The following FOXN3 variants were observed in gnomAD, a reference collection of about 807,000 sequenced individuals.
FOXN3 encodes forkhead box protein N3.
A neutral mutation model predicts 38.4 loss-of-function variants in FOXN3; 7 were observed. The observed-to-expected ratio is 0.18, with a 90% confidence interval of 0.10 to 0.34. FOXN3 has a LOEUF of 0.34. Ranked by LOEUF, FOXN3 falls within the 10% of genes least tolerant of loss-of-function variation. The pLI is 1.00. For synonymous variants in FOXN3, 230 were observed against 242.2 expected (o/e 0.95, Z 0.47); for missense variants, 456 against 613.4 (o/e 0.74, Z 2.71).
rs1891750360 is a variant in FOXN3 at position 89,416,873 on chromosome 14, G to A, written c.-17C>T. On this transcript the variant is annotated splice_region_variant and 5_prime_UTR_variant, in exon 1 of 6. An upstream open reading frame in the 5' UTR gains an earlier in-frame stop. Coordinates refer to ENST00000557258, the MANE Select transcript of FOXN3 (RefSeq NM_005197.4). ...GCAGGAGCGGGGTGCAAACTCACCT[G>A]GCCGGAGCGGGGCACGGGGGTGCGG... The A allele has an allele frequency of 6.6e-6, 1 of 151,978 alleles. No homozygotes were observed. The highest frequency in any genetic ancestry group is 2.4e-5 in the African/African-American group (1 of 41,420). The allele number at this position is 151,978 out of a possible 1,614,324, so 9.4% of individuals were successfully genotyped here. A position where few individuals can be genotyped will look rare whatever the true frequency, so the allele number is the denominator to read the frequency against.
chr14:89,451,789 T>C (rs906537104), intron 1 of FOXN3, among the ~76,000 whole-genome samples: 1 of 152,126 alleles, frequency 6.6e-6, no homozygotes, highest in Non-Finnish European at 1.5e-5. Context: ...TACTATATGG[T>C]TTCCATTTTA....
chr14:89,286,635 C>A lies in FOXN3; in HGVS notation c.681-5621G>T, dbSNP rs3783872. The stretch of plus-strand genomic sequence containing the variant: ...GGAGAATCACCCACCACAAAAAATC[C>A]TTGAAATTCCATTGTTTTGCCTTAT... On this transcript the variant is annotated intron_variant, in intron 3 of 5. Coordinates refer to ENST00000557258, the MANE Select transcript of FOXN3 (RefSeq NM_005197.4). Among the ~76,000 whole-genome samples the A allele has an allele frequency of 4.9e-4, 74 of 152,288 alleles. 1 individual carries two copies. In the East Asian group the frequency reaches 0.014, roughly 29 times the overall value.
chr14:89,576,975 A>G (rs1895641049), intron 1 of FOXN3: 1 of 152,232 alleles, frequency 6.6e-6, no homozygotes, highest in South Asian at 2.1e-4. Flanking sequence ...AATCAGAGAA[A>G]ATCGCTCTAA....
chr14:89,209,388 A>G (rs1888463719), intron 4 of FOXN3, among the ~76,000 whole-genome samples: 1 of 152,232 alleles, frequency 6.6e-6, no homozygotes, highest in African/African-American at 2.4e-5. Flanking sequence ...AACACTAGAA[A>G]AATTTGAGAG....
At chr14:89,363,627 T>C (rs1566968731) in intron 2 of FOXN3, among the ~76,000 whole-genome samples, 1 of 152,250 alleles carries the variant, frequency 6.6e-6, no homozygotes, top group Non-Finnish European at 1.5e-5. Context: ...GTATACAATA[T>C]ACCTAACACC....
intron 3 of FOXN3, among the ~76,000 whole-genome samples, chr14:89,320,429 A>G (rs1366088012): frequency 1.3e-5 from 2 of 152,268 alleles, no homozygotes; most frequent in Non-Finnish European, 2.9e-5. Context: ...ATTCCATGGT[A>G]TGAAAATCTC....
intron 3 of FOXN3, among the ~76,000 whole-genome samples, chr14:89,294,974 C>T (rs923216276): frequency 6.6e-6 from 1 of 152,156 alleles, no homozygotes; most frequent in Non-Finnish European, 1.5e-5. Context: ...GAGTCAGGAT[C>T]GGGACCCCTT....
At chr14:89,577,382 A>T (rs149159622) in intron 1 of FOXN3, 1 of 152,268 alleles carries the variant, frequency 6.6e-6, no homozygotes, top group African/African-American at 2.4e-5. Flanking sequence ...CCTTCCGATT[A>T]CCTAGATACC....
intron 4 of FOXN3, among the ~76,000 whole-genome samples, chr14:89,279,188 T>C (rs1394561437): frequency 6.6e-6 from 1 of 152,142 alleles, no homozygotes; most frequent in Non-Finnish European, 1.5e-5. Context: ...TTTTAATGGG[T>C]TGCATTTAAC....
chr14:89,324,524 C>T (rs74078092), intron 3 of FOXN3, among the ~76,000 whole-genome samples: 3,750 of 151,062 alleles, frequency 0.025, 147 homozygotes, highest in African/African-American at 0.087. Flanking sequence ...AACAAAGCGG[C>T]AGTAGGATAC....
chr14:89,299,631 G>A (rs1023595125), intron 3 of FOXN3, among the ~76,000 whole-genome samples: 2 of 152,170 alleles, frequency 1.3e-5, no homozygotes, highest in African/African-American at 2.4e-5. Context: ...ATAGAAGGTG[G>A]CCCGGGGATA....
intron 3 of FOXN3, among the ~76,000 whole-genome samples, chr14:89,312,702 A>G (rs937939168): frequency 1.3e-5 from 2 of 152,312 alleles, no homozygotes; most frequent in Admixed American, 6.5e-5. Context: ...GCTAGCTGGT[A>G]GACCCTGGGA....
chr14:89,585,766 A>G (rs1200860621), intron 1 of FOXN3, among the ~76,000 whole-genome samples: 1 of 151,834 alleles, frequency 6.6e-6, no homozygotes, highest in East Asian at 1.9e-4. Flanking sequence ...AGAAAAAAAA[A>G]AAAAAAGAAA....
At chr14:89,258,858 G>A (rs9671706) in intron 4 of FOXN3, among the ~76,000 whole-genome samples, 4,543 of 152,134 alleles carry the variant, frequency 0.03, 193 homozygotes, top group African/African-American at 0.1. Flanking sequence ...AGGCTCATTC[G>A]TCCACACCCT....
chr14:89,616,684 G>A (rs75224893), intron 1 of FOXN3, among the ~76,000 whole-genome samples: 297 of 152,240 alleles, frequency 2.0e-3, no homozygotes, highest in African/African-American at 6.9e-3. Flanking sequence ...AACCTTTCTG[G>A]CTCTCAAAAG....
intron 2 of FOXN3, among the ~76,000 whole-genome samples, chr14:89,362,196 CACT>C (rs1402798322): frequency 0.03 from 52 of 1,718 alleles, 7 homozygotes; most frequent in Non-Finnish European, 0.07. Context: ...CCACCTCCAC[CACT>C]ACCACCTCCA....
intron 1 of FOXN3, among the ~76,000 whole-genome samples, chr14:89,592,998 G>C (rs1895989114): frequency 6.9e-6 from 1 of 145,768 alleles, no homozygotes; most frequent in Non-Finnish European, 1.5e-5. Context: ...GAAGGAAGGA[G>C]TGAGGAAGAC....
At chr14:89,418,952 G>GA (rs1555352879), upstream of FOXN3, among the ~76,000 whole-genome samples, 3 of 91,436 alleles carry the variant, frequency 3.3e-5, no homozygotes, top group Non-Finnish European at 6.1e-5. Context: ...AAGTCCCCCA[G>GA]CTACACTCAC....
At chr14:89,338,073 T>C (rs1466744903) in intron 3 of FOXN3, among the ~76,000 whole-genome samples, 1 of 152,136 alleles carries the variant, frequency 6.6e-6, no homozygotes, top group African/African-American at 2.4e-5. Context: ...GTCCAAACAG[T>C]CTGGCCTCGT....
Sources: allele counts gnomAD v4.1 joint callset (sites outside exome capture counted in the v4.1 genomes callset), GRCh38; gene constraint gnomAD v4.1.1; transcripts MANE v1.5; gene names NCBI Gene and HGNC (gene_info 2026-07-23, HGNC 2026-07-21).